ADGRG1: variants seen among roughly 807,000 people sequenced by gnomAD.
ADGRG1 encodes adhesion G protein-coupled receptor G1.
ADGRG1 carries 53 observed loss-of-function variants against 73.5 expected under a neutral mutation model. The observed-to-expected ratio is 0.72, with a 90% CI of 0.58 to 0.91. The LOEUF is 0.91. Among genes scored for constraint, ADGRG1 ranks in the 40% least tolerant of loss-of-function variants. The pLI, the probability that ADGRG1 is intolerant of heterozygous loss-of-function variation, is 0.00. For missense variants in ADGRG1, 795 were observed against 871.8 expected (o/e 0.91, Z 1.11); for synonymous variants, 394 against 374.4 (o/e 1.05, Z -0.60).
chr16:57,656,601 A>G lies in ADGRG1; in HGVS notation c.1151A>G (p.Tyr384Cys). Reference sequence around the variant, plus strand: ...TCCTGCTTCTGCAACCACTTGACCTACTTTGCAGTGCTGATGGTGAGGGTC... The same window carrying G: ...TCCTGCTTCTGCAACCACTTGACCTGCTTTGCAGTGCTGATGGTGAGGGTC... The part of the protein sequence containing the change: ...QTSCFCNHLT[Y>C]FAVLMVSSVE... Residue 384 changes from tyrosine to cysteine, a missense_variant, in exon 9 of 14, where the codon TAC (tyrosine) becomes TGC (cysteine). Coordinates refer to ENST00000562631, the MANE Select transcript of ADGRG1 (RefSeq NM_201525.4). 2.5e-6 allele frequency: 4 copies of G among 1,609,270 alleles called. No individual in the cohort carries two copies. Among genetic ancestry groups the G allele is most frequent in the Non-Finnish European group, 3.4e-6 (4 of 1,175,622 alleles).
chr16:57,635,823 T>C, intron 1 of ADGRG1: 5 of 985,386 alleles, frequency 5.1e-6, no homozygotes, highest in Non-Finnish European at 6.0e-6. Context: ...ACGAGCTCTG[T>C]GTCCCTGGGC....
chr16:57,654,099 G>A lies in ADGRG1; in HGVS notation c.734G>A (p.Gly245Asp). Reference protein sequence around the residue: ...ATVWKLQPTAGLQDLHIHSRQ... With the variant: ...ATVWKLQPTADLQDLHIHSRQ... The stretch of plus-strand genomic sequence containing the variant: ...GTGTGGAAGCTCCAGCCCACAGCCG[G>A]CCTCCAGGACCTGCACATCCACTCC... Residue 245 changes from glycine (G) to aspartate (D), a missense_variant, in exon 5 of 14, where the codon GGC becomes GAC. Coordinates refer to ENST00000562631, the MANE Select transcript of ADGRG1 (RefSeq NM_201525.4). The A allele has an allele frequency of 6.2e-7, 1 of 1,613,628 alleles. No homozygotes were observed. Among genetic ancestry groups the A allele is most frequent in the Non-Finnish European group, 8.5e-7 (1 of 1,180,026 alleles).
At chr16:57,656,331 G>A in intron 8 of ADGRG1, 60 bp downstream of exon 8, 2 of 1,610,646 alleles carry the variant, frequency 1.2e-6, no homozygotes, top group Non-Finnish European at 1.7e-6. Context: ...GAGTCCTGGG[G>A]GGTGGGGGAG....
chr16:57,635,499 G>A, intron 1 of ADGRG1: 4 of 985,384 alleles, frequency 4.1e-6, no homozygotes, highest in Non-Finnish European at 4.8e-6. Flanking sequence ...GCAGCAGGTG[G>A]TGGCATGCCC....
upstream of ADGRG1, among the ~76,000 whole-genome samples, chr16:57,625,351 A>C (rs1366969599): frequency 1.3e-5 from 2 of 151,730 alleles, no homozygotes; most frequent in Non-Finnish European, 2.9e-5. Context: ...CCGGATCTGC[A>C]CCCCATCCTG....
chr16:57,658,683 A>G (rs1011697706), intron 10 of ADGRG1, among the ~76,000 whole-genome samples: 3 of 152,186 alleles, frequency 2.0e-5, no homozygotes, highest in Admixed American at 1.3e-4. Context: ...GCTCACAAAC[A>G]TGCCCAAGGA....
At position 57,630,043 on chromosome 16, in the gene ADGRG1, A is replaced by G. The variant is rs551581202; in HGVS notation, c.-36+1241A>G. 3.3e-5 allele frequency: 32 copies of G among 981,410 alleles called. No homozygotes were observed. In the African/African-American group the frequency reaches 4.9e-4, roughly 15 times the overall value. The allele number at this position is 981,410 out of a possible 1,614,324, so 60.8% of individuals were successfully genotyped here. A position where few individuals can be genotyped will look rare whatever the true frequency, so the allele number is the denominator to read the frequency against. Reference sequence around the variant, plus strand: ...GCCTTTGTTGCTCCTTCAGTGGACCAAGAAAGTTATTTATAGAAGCATTTA... The same window carrying G: ...GCCTTTGTTGCTCCTTCAGTGGACCGAGAAAGTTATTTATAGAAGCATTTA... On this transcript the variant is annotated intron_variant, in intron 1 of 13. Transcript: ENST00000562631.
At chr16:57,651,669 GGC>G (rs1205469737) in intron 3 of ADGRG1, 47 bp downstream of exon 3, 82 of 1,575,352 alleles carry the variant, frequency 5.2e-5, no homozygotes, top group Non-Finnish European at 6.1e-5. Context: ...GTGGTCTAGA[GGC>G]AGGGAAGGCA....
At chr16:57,644,952 G>T (rs1352099280) in intron 1 of ADGRG1, 1 of 412,322 alleles carries the variant, frequency 2.4e-6, no homozygotes, top group East Asian at 2.0e-4. Context: ...GGCACCCACT[G>T]ATCACACACT....
At chr16:57,648,988 G>A (rs1282918337) in intron 1 of ADGRG1, among the ~76,000 whole-genome samples, 3 of 152,238 alleles carry the variant, frequency 2.0e-5, no homozygotes, top group Admixed American at 1.3e-4. Flanking sequence ...CACTTCAGAG[G>A]GTTGGAGTGG....
Position 57,661,404 on chromosome 16 carries a change from G to T in ADGRG1, c.1665-293G>T, listed in dbSNP as rs183177396. 7.9e-5 allele frequency: 78 copies of T among 985,384 alleles called. 1 individual carries two copies. The East Asian group carries it at 4.1e-3, about 52-fold the overall frequency. 61.0% of individuals were successfully genotyped at this position (985,384 alleles called of 1,614,324 possible). A position where few individuals can be genotyped will look rare whatever the true frequency, so the allele number is the denominator to read the frequency against. ...GGGTTCCTGAGCTCCAGCCTGGGAA[G>T]GAATCCTTCCCATTGGCTCAGTGGT... On this transcript the variant is annotated intron_variant, in intron 12 of 13. Transcript: ENST00000562631.
intron 1 of ADGRG1, chr16:57,640,113 C>T (rs1357296004): frequency 7.2e-5 from 11 of 152,914 alleles, no homozygotes; most frequent in African/African-American, 2.7e-4. Flanking sequence ...GAAAGAGCCA[C>T]CAGTGGGGCT....
upstream of ADGRG1, chr16:57,626,543 A>C: frequency 1.0e-6 from 1 of 973,790 alleles, no homozygotes; most frequent in African/African-American, 1.8e-5. Context: ...TCCGACGGTG[A>C]GAGAGGCAGG....
chr16:57,631,626 CA>C, intron 1 of ADGRG1: 3 of 985,358 alleles, frequency 3.0e-6, no homozygotes, highest in Non-Finnish European at 3.6e-6. Context: ...ATGGGGACAT[CA>C]TGTGAGCAAA....
chr16:57,661,055 G>A (rs1445371104), intron 12 of ADGRG1, 179 bp downstream of exon 12: 1 of 165,320 alleles, frequency 6.0e-6, no homozygotes, highest in African/African-American at 2.4e-5. Context: ...AAAAGGCCTG[G>A]ATCTACCACT....
intron 1 of ADGRG1, chr16:57,635,690 G>A: frequency 1.0e-6 from 1 of 985,310 alleles, no homozygotes; most frequent in African/African-American, 1.7e-5. Flanking sequence ...CAGCCCCTCT[G>A]AGCCTCCCTT....
At chr16:57,652,557 C>T (rs1369525997) in intron 3 of ADGRG1, 3 of 876,714 alleles carry the variant, frequency 3.4e-6, no homozygotes, top group Non-Finnish European at 4.1e-6. Flanking sequence ...GAAGACCAGA[C>T]TGAACTTGGT....
intron 11 of ADGRG1, 136 bp from the exon 12 acceptor site, chr16:57,660,632 C>A: frequency 6.6e-7 from 1 of 1,519,228 alleles, no homozygotes; most frequent in Non-Finnish European, 8.9e-7. Context: ...GGGAACTTCC[C>A]CACCAGATGG....
At chr16:57,641,232 G>C in intron 1 of ADGRG1, 1 of 931,774 alleles carries the variant, frequency 1.1e-6, no homozygotes, top group African/African-American at 1.8e-5. Flanking sequence ...GTTGGCTGCA[G>C]AGCTTGTCTG....
Sources: allele counts gnomAD v4.1 joint callset (sites outside exome capture counted in the v4.1 genomes callset), GRCh38; gene constraint gnomAD v4.1.1; transcripts MANE v1.5; gene names NCBI Gene and HGNC (gene_info 2026-07-23, HGNC 2026-07-21).